CNKSR2: variants seen among roughly 807,000 people sequenced by gnomAD.
CNKSR2 encodes the protein connector enhancer of kinase suppressor of Ras 2.
A neutral mutation model predicts 84.4 loss-of-function variants in CNKSR2; 14 were observed. The observed-to-expected ratio is 0.17, with a 90% CI of 0.11 to 0.26. The LOEUF is 0.26. Among genes scored for constraint, CNKSR2 ranks in the 10% least tolerant of loss-of-function variants. The pLI, the probability that CNKSR2 is intolerant of heterozygous loss-of-function variation, is 1.00. For synonymous variants in CNKSR2, 275 were observed against 277.9 expected, an observed-to-expected ratio of 0.99 and a Z score of 0.10; for missense variants, 485 against 771.2, an observed-to-expected ratio of 0.63 and a Z score of 4.40.
chrX:21,647,033 A>C (rs2092708405), intron 20 of CNKSR2, among the ~76,000 whole-genome samples: 1 of 112,130 alleles, frequency 8.9e-6, no homozygotes, highest in Non-Finnish European at 1.9e-5. Flanking sequence ...CCCACAAAGC[A>C]GTTTCTCCTT....
intron 1 of CNKSR2, chrX:21,426,032 T>C (rs2147052928): frequency 8.8e-6 from 1 of 113,460 alleles, no homozygotes; most frequent in South Asian, 3.7e-4. Context: ...GAGAATTTAA[T>C]TTTTTAGTTA....
chrX:21,475,655 T>C (rs780959845), intron 5 of CNKSR2, among the ~76,000 whole-genome samples: 8 of 111,046 alleles, frequency 7.2e-5, no homozygotes, highest in Non-Finnish European at 1.3e-4. Context: ...ACATCAACTG[T>C]CTTAGCCTAA....
intron 1 of CNKSR2, among the ~76,000 whole-genome samples, chrX:21,381,527 G>T (rs2146945521): frequency 8.9e-6 from 1 of 112,384 alleles, no homozygotes; most frequent in African/African-American, 3.2e-5. Flanking sequence ...CAGTCAGGAT[G>T]AATTCCTTGA....
At chrX:21,570,055 A>G (rs2147205768) in intron 13 of CNKSR2, among the ~76,000 whole-genome samples, 1 of 112,195 alleles carries the variant, frequency 8.9e-6, no homozygotes, top group Non-Finnish European at 1.9e-5. Context: ...AGAATGGTAA[A>G]TGAGCATTGG....
At chrX:21,587,480 T>C (rs2092395488) in intron 13 of CNKSR2, among the ~76,000 whole-genome samples, 1 of 112,308 alleles carries the variant, frequency 8.9e-6, no homozygotes, top group African/African-American at 3.2e-5. Context: ...TCTTTCATTT[T>C]TCAGTTAGTT....
intron 4 of CNKSR2, among the ~76,000 whole-genome samples, chrX:21,442,981 G>T (rs1307746084): frequency 3.6e-5 from 4 of 109,967 alleles, no homozygotes. Flanking sequence ...GGAACAACAG[G>T]TACTGGGGCC....
At chrX:21,396,186 C>A (rs749453148) in intron 1 of CNKSR2, among the ~76,000 whole-genome samples, 4 of 111,072 alleles carry the variant, frequency 3.6e-5, no homozygotes, top group Non-Finnish European at 5.7e-5. Context: ...TGGTAATATA[C>A]AAAAAGTTTC....
intron 9 of CNKSR2, among the ~76,000 whole-genome samples, chrX:21,519,313 G>A (rs758015573): frequency 2.2e-4 from 25 of 111,221 alleles, no homozygotes; most frequent in Non-Finnish European, 3.6e-4. Flanking sequence ...CAAGGTACCA[G>A]GATCTGGAGG....
At chrX:21,421,704 G>A (rs1284565247) in intron 1 of CNKSR2, 2 of 110,202 alleles carry the variant, frequency 1.8e-5, no homozygotes, top group African/African-American at 6.6e-5. Context: ...GTTTTTTGGA[G>A]AGTAGTTTTA....
intron 20 of CNKSR2, among the ~76,000 whole-genome samples, chrX:21,628,587 C>A (rs377114165): frequency 8.9e-6 from 1 of 112,149 alleles, no homozygotes; most frequent in African/African-American, 3.2e-5. Context: ...AGGCTGAACA[C>A]CACAGGAAGC....
intron 2 of CNKSR2, chrX:21,429,174 A>G (rs1307175071): frequency 1.8e-5 from 2 of 112,379 alleles, no homozygotes. Flanking sequence ...GCATAAATTC[A>G]TTAAGACTTA....
chrX:21,395,851 C>A (rs770646438), intron 1 of CNKSR2, among the ~76,000 whole-genome samples: 1 of 111,244 alleles, frequency 9.0e-6, no homozygotes, highest in Non-Finnish European at 1.9e-5. Context: ...AAATGCCAAA[C>A]ACGAAACTGT....
intron 4 of CNKSR2, among the ~76,000 whole-genome samples, chrX:21,456,859 C>T (rs1248803017): frequency 8.9e-6 from 1 of 111,742 alleles, no homozygotes; most frequent in Admixed American, 9.5e-5. Flanking sequence ...CTCTTCTCTA[C>T]GTTTTTGCCA....
chrX:21,498,293 G>A (rs1421199807), intron 7 of CNKSR2, among the ~76,000 whole-genome samples: 2 of 111,695 alleles, frequency 1.8e-5, no homozygotes, highest in Non-Finnish European at 3.8e-5. Context: ...TGACATTCCT[G>A]GACACCAGCA....
chrX:21,384,461 T>A (rs761318892), intron 1 of CNKSR2, among the ~76,000 whole-genome samples: 2 of 112,212 alleles, frequency 1.8e-5, no homozygotes, highest in South Asian at 7.4e-4. Flanking sequence ...ATATTTGGGT[T>A]AGATGATTTT....
intron 4 of CNKSR2, among the ~76,000 whole-genome samples, chrX:21,449,251 C>A (rs1365172378): frequency 9.7e-6 from 1 of 102,785 alleles, no homozygotes; most frequent in African/African-American, 3.6e-5. Context: ...TTGCAGCGAG[C>A]CGAGATCACA....
At chrX:21,650,346 G>C (rs192867191) in intron 21 of CNKSR2, among the ~76,000 whole-genome samples, 6 of 101,440 alleles carry the variant, frequency 5.9e-5, no homozygotes, top group Middle Eastern at 0.011. Flanking sequence ...AACACCACAT[G>C]TTCTCACTCA....
intron 1 of CNKSR2, among the ~76,000 whole-genome samples, chrX:21,389,657 C>G (rs2090020991): frequency 8.9e-6 from 1 of 111,925 alleles, no homozygotes; most frequent in Non-Finnish European, 1.9e-5. Context: ...ATGGATCTAG[C>G]AATCATTCAG....
chrX:21,506,677 T>C (rs2091615857), intron 8 of CNKSR2: 1 of 111,629 alleles, frequency 9.0e-6, no homozygotes, highest in Admixed American at 9.5e-5. Flanking sequence ...CAATTTATTT[T>C]CTCTGCAGAT....
Sources: allele counts gnomAD v4.1 joint callset (sites outside exome capture counted in the v4.1 genomes callset), GRCh38; gene constraint gnomAD v4.1.1; transcripts MANE v1.5; gene names NCBI Gene and HGNC (gene_info 2026-07-23, HGNC 2026-07-21).